The following LTBR variants were observed in gnomAD, a reference collection of about 807,000 sequenced individuals.
The protein encoded by LTBR is lymphotoxin beta receptor, also known as tumor necrosis factor receptor superfamily member 3.
LTBR carries 15 observed loss-of-function variants against 45.4 expected under a neutral mutation model. The observed-to-expected ratio is 0.33, with a 90% CI of 0.22 to 0.51. The LOEUF (loss-of-function observed/expected upper bound fraction) is 0.51. Ranked by LOEUF, LTBR falls within the 20% of genes least tolerant of loss-of-function variation. The pLI is 0.97. For synonymous variants in LTBR, 228 were observed against 231.0 expected (o/e 0.99, Z 0.12); for missense variants, 450 against 565.5 (o/e 0.80, Z 2.07).
exon 1 of LTBR, chr12:6,375,469 G>A: frequency 6.5e-7 from 1 of 1,535,564 alleles, no homozygotes; most frequent in Non-Finnish European, 8.7e-7. Context: ...TTCCTTTCCA[G>A]TTGAATCTGG....
At chr12:6,389,075 T>G in intron 8 of LTBR, 1 of 452,788 alleles carries the variant, frequency 2.2e-6, no homozygotes, top group Middle Eastern at 6.1e-4. Flanking sequence ...ATATATCAGG[T>G]GGTATAATTG....
At chr12:6,381,677 G>T (rs1948986311), upstream of LTBR, among the ~76,000 whole-genome samples, 1 of 152,204 alleles carries the variant, frequency 6.6e-6, no homozygotes, top group Non-Finnish European at 1.5e-5. Flanking sequence ...CATTTGTAGT[G>T]CAAGGAACAT....
chr12:6,384,546 CCTGA>C, intron 1 of LTBR, 38 bp from the exon 2 acceptor site: 1 of 1,610,808 alleles, frequency 6.2e-7, no homozygotes, highest in South Asian at 1.1e-5. Flanking sequence ...CAAGCTGACC[CCTGA>C]CTAATTCTTC....
chr12:6,389,061 A>ACCCTCC, intron 8 of LTBR: 1 of 512,266 alleles, frequency 2.0e-6, no homozygotes. Context: ...GAATAAGTTA[A>ACCCTCC]ACTATATATC....
chr12:6,381,832 G>A (rs1008726055), upstream of LTBR, among the ~76,000 whole-genome samples: 1 of 152,200 alleles, frequency 6.6e-6, no homozygotes, highest in Non-Finnish European at 1.5e-5. Flanking sequence ...AATCAGCCAG[G>A]CATGGTGGCA....
chr12:6,387,302 T>C (rs1165023690), intron 6 of LTBR: 4 of 152,292 alleles, frequency 2.6e-5, no homozygotes, highest in African/African-American at 7.2e-5. Context: ...CTGGGTTTTG[T>C]TGTTGTTTAC....
At chr12:6,376,426 G>GGGT (rs1374782797) in intron 1 of LTBR, among the ~76,000 whole-genome samples, 1 of 152,202 alleles carries the variant, frequency 6.6e-6, no homozygotes, top group Non-Finnish European at 1.5e-5. Flanking sequence ...GGCAGCGCGA[G>GGGT]GGCCACGCAG....
chr12:6,384,641 C>T lies in LTBR; in HGVS notation c.150C>T (p.Tyr50=), dbSNP rs1335189722. Residue 50 remains tyrosine, a synonymous_variant, in exon 2 of 10, where the codon TAC becomes TAT. Transcript: ENST00000228918. ...NQTCRDQEKE[Y]YEPQHRICCS... Reference sequence around the variant, plus strand: ...CCTGCAGGGACCAGGAAAAGGAATACTATGAGCCCCAGCACCGCATCTGCT... The same window carrying T: ...CCTGCAGGGACCAGGAAAAGGAATATTATGAGCCCCAGCACCGCATCTGCT... The T allele has an allele frequency of 6.2e-7, 1 of 1,614,124 alleles. No individual in the cohort carries two copies. The highest frequency in any genetic ancestry group is 1.3e-5 in the African/African-American group (1 of 74,938).
chr12:6,386,431 C>T lies in LTBR; in HGVS notation c.654C>T (p.Pro218=). The change falls in exon 6 of 10, where the codon CCC becomes CCT. Residue 218 remains proline, a synonymous_variant. Transcript: ENST00000228918. This position sits in a 1 kb window ranked among gnomAD's most constrained non-coding sequence, Gnocchi z 4.1. ...TTCKNPLEPL[P]PEMSGTMLML... Reference sequence around the variant, plus strand: ...GCAAAAATCCATTAGAGCCACTGCCCCCAGAGATGTCAGGTGAGGGACCAG... The same window carrying T: ...GCAAAAATCCATTAGAGCCACTGCCTCCAGAGATGTCAGGTGAGGGACCAG... The T allele has an allele frequency of 6.2e-7, 1 of 1,612,932 alleles. No homozygotes were observed. Among genetic ancestry groups the T allele is most frequent in the Non-Finnish European group, 8.5e-7 (1 of 1,179,740 alleles).
chr12:6,384,942 G>A, intron 2 of LTBR, 80 bp from the exon 3 acceptor site: 4 of 1,569,822 alleles, frequency 2.5e-6, no homozygotes, highest in South Asian at 2.2e-5. Context: ...CCGAGGGAAA[G>A]GCCAGGGTCA....
chr12:6,387,866 G>A (rs751354362), intron 6 of LTBR: 26 of 455,172 alleles, frequency 5.7e-5, no homozygotes, highest in Middle Eastern at 3.2e-4. Context: ...AGGCAGTTCC[G>A]AAGCAAGTTT....
chr12:6,386,231 C>T lies in LTBR; in HGVS notation c.569+69C>T. On this transcript the variant is annotated intron_variant, in intron 5 of 9. Transcript: ENST00000228918. This position sits in a 1 kb window ranked among gnomAD's most constrained non-coding sequence, Gnocchi z 4.1. ...CTCAGCTGCTAACAACCCCCAGCGC[C>T]TATCCTTGACACCACGGACTCGACT... is the stretch of plus-strand genomic sequence containing the variant. 1 of 1,500,384 alleles carries T rather than the reference C, an allele frequency of 6.7e-7. No homozygotes were observed. Among genetic ancestry groups the T allele is most frequent in the East Asian group, 2.3e-5 (1 of 44,148 alleles). The allele number at this position is 1,500,384 out of a possible 1,614,324, so 92.9% of individuals were successfully genotyped here.
chr12:6,388,581 C>T lies in LTBR; in HGVS notation c.775+76C>T, dbSNP rs781580489. ...GGAATATTCAACTTCCCCGGTGCAA[C>T]CCTCCACACCCTCAAGACTCCCAAT... On this transcript the variant is annotated intron_variant, in intron 7 of 9. Transcript: ENST00000228918. This position sits in a 1 kb window ranked among gnomAD's most constrained non-coding sequence, Gnocchi z 4.3. 1 of 1,274,820 alleles carries T rather than the reference C, an allele frequency of 7.8e-7. No homozygotes were observed. Among genetic ancestry groups the T allele is most frequent in the Non-Finnish European group, 1.1e-6 (1 of 877,554 alleles). 79.0% of individuals were successfully genotyped at this position (1,274,820 alleles called of 1,614,324 possible).
intron 2 of LTBR, 125 bp downstream of exon 2, chr12:6,384,809 T>G (rs1592097971): frequency 9.5e-7 from 1 of 1,051,596 alleles, no homozygotes; most frequent in Admixed American, 2.0e-5. Flanking sequence ...GAGACGAGCG[T>G]GGGAAACCCT....
Position 6,386,625 on chromosome 12 carries a change from A to T in LTBR, c.667+181A>T. The T allele has an allele frequency of 1.7e-6, 1 of 596,896 alleles. No homozygotes were observed. Among genetic ancestry groups the T allele is most frequent in the Middle Eastern group, 4.4e-4 (1 of 2,266 alleles). The allele number at this position is 596,896 out of a possible 1,614,324, so 37.0% of individuals were successfully genotyped here. Reference sequence around the variant, plus strand: ...AGTTTACACACACACACACACACACACACACACACACTTTTAAAATTATAT... The same window carrying T: ...AGTTTACACACACACACACACACACTCACACACACACTTTTAAAATTATAT... On this transcript the variant is annotated intron_variant, in intron 6 of 9. Transcript: ENST00000228918. This position sits in a 1 kb window ranked among gnomAD's most constrained non-coding sequence, Gnocchi z 4.1.
At position 6,385,156 on chromosome 12, in the gene LTBR, G is replaced by A. The variant is rs779692385; in HGVS notation, c.319+9G>A. On this transcript the variant is annotated intron_variant, in intron 3 of 9. Transcript: ENST00000228918. ...CCGCCCCTGTGACCCAGGTGAGTGGGGATGTGCCTGCGGGGGGGCTGGATC... is the reference window on the plus strand; with the variant it reads ...CCGCCCCTGTGACCCAGGTGAGTGGAGATGTGCCTGCGGGGGGGCTGGATC... The A allele has an allele frequency of 3.1e-6, 5 of 1,614,106 alleles. No homozygotes were observed. In the African/African-American group the frequency reaches 6.7e-5, roughly 22 times the overall value.
intron 1 of LTBR, chr12:6,375,608 G>C (rs1427130552): frequency 3.4e-6 from 4 of 1,177,850 alleles, no homozygotes; most frequent in Non-Finnish European, 4.8e-6. Context: ...AGCAGGGCGG[G>C]GGGAGGGGCT....
chr12:6,384,739 C>G, intron 2 of LTBR, 55 bp downstream of exon 2: 5 of 1,510,130 alleles, frequency 3.3e-6, no homozygotes, highest in South Asian at 1.1e-5. Flanking sequence ...ACGGGGGCTC[C>G]AGCCCCCTCG....
chr12:6,386,257 C>T lies in LTBR; in HGVS notation c.570-90C>T. On this transcript the variant is annotated intron_variant, in intron 5 of 9. Coordinates refer to ENST00000228918, the MANE Select transcript of LTBR (RefSeq NM_002342.3). This position sits in a 1 kb window ranked among gnomAD's most constrained non-coding sequence, Gnocchi z 4.1. ...TATCCTTGACACCACGGACTCGACT[C>T]ACCACTTTCAGCCTCCCCGCCTGCC... is the stretch of plus-strand genomic sequence containing the variant. 1 of 1,479,972 alleles carries T rather than the reference C, an allele frequency of 6.8e-7. No individual in the cohort carries two copies. Among genetic ancestry groups the T allele is most frequent in the Non-Finnish European group, 9.4e-7 (1 of 1,062,198 alleles). The allele number at this position is 1,479,972 out of a possible 1,614,324, so 91.7% of individuals were successfully genotyped here. A position where few individuals can be genotyped will look rare whatever the true frequency, so the allele number is the denominator to read the frequency against.
Sources: gnomAD v4.1 joint callset for allele counts (sites outside exome capture counted in the v4.1 genomes callset) on GRCh38, gnomAD v4.1.1 for gene constraint, Gnocchi (gnomAD v3.1) non-coding constraint, MANE v1.5 for transcripts, NCBI Gene and HGNC (gene_info 2026-07-23, HGNC 2026-07-21) for gene names.